Variants in RIBC2 observed in about 807,000 individuals in gnomAD.
RIBC2 encodes the protein RIB43A-like with coiled-coils protein 2.
In RIBC2, 40 loss-of-function variants were observed where a neutral mutation model predicts 44.3. The observed-to-expected ratio is 0.90, with a 90% CI of 0.70 to 1.18. RIBC2 has a LOEUF of 1.18. Among genes scored for constraint, RIBC2 ranks in the 50% most tolerant of loss-of-function variants. The pLI, the probability that RIBC2 is intolerant of heterozygous loss-of-function variation, is 0.00. For missense variants in RIBC2, 459 were observed against 485.5 expected, an observed-to-expected ratio of 0.95 and a Z score of 0.51; for synonymous variants, 171 against 175.0, an observed-to-expected ratio of 0.98 and a Z score of 0.18.
chr22:45,426,297 G>A (rs1390818938), intron 5 of RIBC2, 122 bp downstream of exon 5: 2 of 804,308 alleles, frequency 2.5e-6, no homozygotes, highest in Non-Finnish European at 3.9e-6. Flanking sequence ...CCCTCAAGGA[G>A]TTTCCCTTCT....
intron 3 of RIBC2, among the ~76,000 whole-genome samples, chr22:45,421,584 TAA>T (rs1569208969): frequency 0.035 from 1,244 of 35,384 alleles, 30 homozygotes; most frequent in African/African-American, 0.15. Context: ...GTATTATTAA[TAA>T]TAATAATAGT....
chr22:45,418,132 G>T, intron 3 of RIBC2, 186 bp downstream of exon 3: 1 of 483,136 alleles, frequency 2.1e-6, no homozygotes, highest in Non-Finnish European at 3.6e-6. Context: ...TGGCCCTGTG[G>T]GGAAAGAAAA....
chr22:45,422,957 G>A (rs2087501307), intron 4 of RIBC2, among the ~76,000 whole-genome samples: 1 of 151,788 alleles, frequency 6.6e-6, no homozygotes, highest in African/African-American at 2.4e-5. Context: ...GCTGAAATAG[G>A]TTCTTCTTTT....
rs148269851 is a variant in RIBC2, at chr22:45,425,502, C to T, written c.676-446C>T. ...TGGAATTACTTTGTACTGGGGGCTG[C>T]AGCTCAGGACCACTGAAGTGACAGT... is the stretch of plus-strand genomic sequence containing the variant. On this transcript the variant is annotated intron_variant, in intron 4 of 6. Transcript: ENST00000614167. Among the ~76,000 whole-genome samples, 333 of 152,324 alleles carry T rather than the reference C, an allele frequency of 2.2e-3. 3 individuals are homozygous for T. The highest frequency in any genetic ancestry group is 7.8e-3 in the African/African-American group (324 of 41,572).
At chr22:45,420,363 C>G (rs1403146473) in intron 3 of RIBC2, among the ~76,000 whole-genome samples, 1 of 152,140 alleles carries the variant, frequency 6.6e-6, no homozygotes, top group African/African-American at 2.4e-5. Flanking sequence ...CCCCTGACCC[C>G]CCTATTTTAA....
Position 45,422,409 on chromosome 22 carries a change from G to C in RIBC2, c.675+1G>C, listed in dbSNP as rs973498054. ...TGTGAAAGACTTCAACAAGAGCCAGGTATAGGTACTCCGCGACCTCGGGCT... is the reference window on the plus strand; with the variant it reads ...TGTGAAAGACTTCAACAAGAGCCAGCTATAGGTACTCCGCGACCTCGGGCT... On this transcript the variant is annotated splice_donor_variant, in intron 4 of 6. Transcript: ENST00000614167. LOFTEE classifies it high-confidence loss of function. The C allele has an allele frequency of 1.2e-6, 2 of 1,607,274 alleles. No individual in the cohort carries two copies. Among genetic ancestry groups the C allele is most frequent in the Non-Finnish European group, 1.7e-6 (2 of 1,173,910 alleles).
At position 45,422,266 on chromosome 22, in the gene RIBC2, T is replaced by G. The variant is rs534709950; in HGVS notation, c.557-24T>G. 15 of 1,581,962 alleles carry G rather than the reference T, an allele frequency of 9.5e-6. No homozygotes were observed. The Admixed American group carries it at 1.2e-4, about 12-fold the overall frequency. On this transcript the variant is annotated intron_variant, in intron 3 of 6. Coordinates refer to ENST00000614167, the MANE Select transcript of RIBC2 (RefSeq NM_015653.5). ...AGGTGCTCCTGTGGCCAGGTCGATC[T>G]GATTGCTTCTTGCCTCCTTTCAGAG...
intron 2 of RIBC2, 105 bp from the exon 3 acceptor site, chr22:45,417,497 A>G: frequency 1.1e-6 from 1 of 870,812 alleles, no homozygotes; most frequent in Non-Finnish European, 1.7e-6. Flanking sequence ...CAGGCAACAT[A>G]ATGAGGCCCT....
At position 45,426,062 on chromosome 22, in the gene RIBC2, G is replaced by T. The variant is rs1473460733; in HGVS notation, c.790G>T (p.Ala264Ser). 2 of 1,613,920 alleles carry T rather than the reference G, an allele frequency of 1.2e-6. No individual in the cohort carries two copies. The highest frequency in any genetic ancestry group is 8.5e-7 in the Non-Finnish European group (1 of 1,180,022). Reference sequence around the variant, plus strand: ...CCTGCTCTCCGAGAACCCGCAGCAGGCAGCCAGCTCCTTCGGGCCCCACCG... The same window carrying T: ...CCTGCTCTCCGAGAACCCGCAGCAGTCAGCCAGCTCCTTCGGGCCCCACCG... ...GDLLSENPQQ[A>S]ASSFGPHRVV... is the part of the protein sequence containing the mutation. The change falls in exon 5 of 7, where the codon GCA becomes TCA. Residue 264 changes from alanine to serine, a missense_variant. Transcript: ENST00000614167.
In RIBC2 at chr22:45,432,439, A is replaced by T; in HGVS notation, c.*77A>T. 1.0e-6 allele frequency: 1 copy of T among 964,830 alleles called. No homozygotes were observed. Among genetic ancestry groups the T allele is most frequent in the Non-Finnish European group, 1.6e-6 (1 of 612,770 alleles). 59.8% of individuals were successfully genotyped at this position (964,830 alleles called of 1,614,324 possible). ...AAAGAGTCACGTTTCTTTTTTAAAGATACACTCCTTGGGCCACAAGTACCC... is the reference window on the plus strand; with the variant it reads ...AAAGAGTCACGTTTCTTTTTTAAAGTTACACTCCTTGGGCCACAAGTACCC... On this transcript the variant is annotated 3_prime_UTR_variant, in exon 7 of 7. Transcript: ENST00000614167.
At chr22:45,422,112 C>T (rs545688292) in intron 3 of RIBC2, among the ~76,000 whole-genome samples, 178 bp from the exon 4 acceptor site, 37 of 152,332 alleles carry the variant, frequency 2.4e-4, no homozygotes, top group Non-Finnish European at 2.8e-4. Context: ...GTAGTGATCA[C>T]TAGCACTCAT....
At chr22:45,424,573 C>T (rs1217902958) in intron 4 of RIBC2, among the ~76,000 whole-genome samples, 1 of 152,232 alleles carries the variant, frequency 6.6e-6, no homozygotes, top group African/African-American at 2.4e-5. Flanking sequence ...TGCATGCTCC[C>T]TGCCCGCCAT....
chr22:45,417,982 T>C (rs1354530707), intron 3 of RIBC2, 36 bp downstream of exon 3: 2 of 1,367,226 alleles, frequency 1.5e-6, no homozygotes, highest in Non-Finnish European at 2.0e-6. Context: ...GTCTCAACGC[T>C]CTCTTCAACA....
chr22:45,420,363 C>T (rs1403146473), intron 3 of RIBC2, among the ~76,000 whole-genome samples: 1 of 152,140 alleles, frequency 6.6e-6, no homozygotes, highest in Non-Finnish European at 1.5e-5. Context: ...CCCCTGACCC[C>T]CCTATTTTAA....
At position 45,413,765 on chromosome 22, in the gene RIBC2, C is replaced by T. The variant is rs943132335; in HGVS notation, c.-122C>T. The T allele has an allele frequency of 2.3e-5, 32 of 1,368,940 alleles. 1 individual carries two copies. In the Middle Eastern group the frequency reaches 5.5e-4, roughly 24 times the overall value. 84.8% of individuals were successfully genotyped at this position (1,368,940 alleles called of 1,614,324 possible). A position where few individuals can be genotyped will look rare whatever the true frequency, so the allele number is the denominator to read the frequency against. The stretch of plus-strand genomic sequence containing the variant: ...TCACTGGGAGCCCGACGGAAAACTG[C>T]GCTAAAGGCTTGTCTTTCCCCTGCC... On this transcript the variant is annotated 5_prime_UTR_variant, in exon 1 of 7. Transcript: ENST00000614167.
In RIBC2 at chr22:45,417,639, A is replaced by T. The variant is rs1169231769; in HGVS notation, c.249A>T (p.Ile83=). 1 of 1,613,674 alleles carries T rather than the reference A, an allele frequency of 6.2e-7. No homozygotes were observed. The highest frequency in any genetic ancestry group is 1.3e-5 in the African/African-American group (1 of 74,922). The change falls in exon 3 of 7, where the codon ATA becomes ATT. Residue 83 remains isoleucine (I), a synonymous_variant. Coordinates refer to ENST00000614167, the MANE Select transcript of RIBC2 (RefSeq NM_015653.5). ...GGCAAAATGACAAAATCATGTGCAT[A>T]TTGGAAAACCGGAAAAAGAGGGATA... is the stretch of plus-strand genomic sequence containing the variant. The part of the protein sequence containing the change: ...EMRQNDKIMC[I]LENRKKRDRK...
In RIBC2 at chr22:45,413,733, T is replaced by C. The variant is rs2087386371; in HGVS notation, c.-154T>C. On this transcript the variant is annotated 5_prime_UTR_variant, in exon 1 of 7. Coordinates refer to ENST00000614167, the MANE Select transcript of RIBC2 (RefSeq NM_015653.5). ...GAGAGAGCGGGAGCGTCTGTACCTCTGCGGCGTCACTGGGAGCCCGACGGA... is the reference window on the plus strand; with the variant it reads ...GAGAGAGCGGGAGCGTCTGTACCTCCGCGGCGTCACTGGGAGCCCGACGGA... 1.0e-5 allele frequency: 12 copies of C among 1,202,474 alleles called. No homozygotes were observed. The highest frequency in any genetic ancestry group is 1.3e-5 in the Non-Finnish European group (11 of 863,384). 74.5% of individuals were successfully genotyped at this position (1,202,474 alleles called of 1,614,324 possible). A position where few individuals can be genotyped will look rare whatever the true frequency, so the allele number is the denominator to read the frequency against.
In RIBC2 at chr22:45,413,747, G is replaced by T; in HGVS notation, c.-140G>T. On this transcript the variant is annotated 5_prime_UTR_variant, in exon 1 of 7. Transcript: ENST00000614167. ...GTCTGTACCTCTGCGGCGTCACTGG[G>T]AGCCCGACGGAAAACTGCGCTAAAG... 7.8e-7 allele frequency: 1 copy of T among 1,280,474 alleles called. No individual in the cohort carries two copies. Among genetic ancestry groups the T allele is most frequent in the Non-Finnish European group, 1.1e-6 (1 of 938,174 alleles). 79.3% of individuals were successfully genotyped at this position (1,280,474 alleles called of 1,614,324 possible). A position where few individuals can be genotyped will look rare whatever the true frequency, so the allele number is the denominator to read the frequency against.
chr22:45,419,820 A>C (rs1394379919), intron 3 of RIBC2, among the ~76,000 whole-genome samples: 2 of 151,960 alleles, frequency 1.3e-5, no homozygotes, highest in Admixed American at 1.3e-4. Flanking sequence ...AGGTCAGGAG[A>C]TCAAGACCAT....
Sources: gnomAD v4.1 joint callset for allele counts (sites outside exome capture counted in the v4.1 genomes callset) on GRCh38, gnomAD v4.1.1 for gene constraint, MANE v1.5 for transcripts, NCBI Gene and HGNC (gene_info 2026-07-23, HGNC 2026-07-21) for gene names.